TLE2: variants seen among roughly 807,000 people sequenced by gnomAD.
The protein encoded by TLE2 is transducin-like enhancer protein 2.
Under a neutral mutation model 97.2 loss-of-function variants are expected in TLE2, and 74 were observed. The observed-to-expected ratio is 0.76, with a 90% CI of 0.63 to 0.92. TLE2 has a LOEUF of 0.92. Ranked by LOEUF, TLE2 falls within the 40% of genes least tolerant of loss-of-function variation. The probability of loss-of-function intolerance (pLI) is 0.00; values close to 1 mark genes in which losing one functional copy is unlikely to be tolerated. For synonymous variants in TLE2, 499 were observed against 432.1 expected (o/e 1.15, Z -1.92); for missense variants, 1,038 against 1,008.7 (o/e 1.03, Z -0.39).
intron 19 of TLE2, among the ~76,000 whole-genome samples, chr19:3,000,365 G>A (rs540964593): frequency 7.9e-5 from 12 of 152,090 alleles, no homozygotes; most frequent in South Asian, 2.1e-4. Flanking sequence ...ATGAGCGACC[G>A]TGCCCGGCTG....
intron 7 of TLE2, among the ~76,000 whole-genome samples, chr19:3,018,944 C>T (rs374862874): frequency 6.6e-6 from 1 of 152,032 alleles, no homozygotes; most frequent in East Asian, 1.9e-4. Flanking sequence ...TTAAATTTTT[C>T]ATAGAGATGG....
chr19:3,023,652 G>A (rs1204536819), intron 5 of TLE2, among the ~76,000 whole-genome samples: 1 of 151,994 alleles, frequency 6.6e-6, no homozygotes, highest in African/African-American at 2.4e-5. Context: ...CCCAACACTC[G>A]GAGCCTGACA....
At chr19:3,020,258 CAA>C (rs2089810536) in intron 5 of TLE2, 1 of 159,608 alleles carries the variant, frequency 6.3e-6, no homozygotes, top group South Asian at 1.8e-4. Flanking sequence ...ATATATATTA[CAA>C]ATCACAGTCT....
At chr19:3,031,272 G>A (rs560628505), upstream of TLE2, among the ~76,000 whole-genome samples, 2 of 152,142 alleles carry the variant, frequency 1.3e-5, no homozygotes, top group East Asian at 3.9e-4. Flanking sequence ...TTGGAGATGA[G>A]ACCTGAACGA....
rs1227190382 is a variant in TLE2 at position 3,019,494 on chromosome 19, C to CG, written c.370-32dup. 1.5e-5 allele frequency: 23 copies of CG among 1,487,340 alleles called. No individual in the cohort carries two copies. In the East Asian group the frequency reaches 1.7e-4, roughly 11 times the overall value. 92.1% of individuals were successfully genotyped at this position (1,487,340 alleles called of 1,614,324 possible). A position where few individuals can be genotyped will look rare whatever the true frequency, so the allele number is the denominator to read the frequency against. On this transcript the variant is annotated intron_variant, in intron 6 of 19. Transcript: ENST00000262953. The surrounding 1 kb of genome is among the most constrained non-coding windows in gnomAD (Gnocchi z 5.1). ...AGAAAGGAGGCAGGATGGGCCGGGG[C>CG]GGGGGGCGGCAGGAGCCCAGCGGTC... is the stretch of plus-strand genomic sequence containing the variant.
intron 5 of TLE2, among the ~76,000 whole-genome samples, chr19:3,021,117 G>C (rs1391441637): frequency 1.6e-5 from 2 of 124,814 alleles, no homozygotes; most frequent in African/African-American, 2.9e-5. Flanking sequence ...AAAAAAAAGG[G>C]GGGGGGGTGC....
rs901477687 is a variant in TLE2, at chr19:3,014,671, C to G, written c.679-57G>C. 8.8e-5 allele frequency: 129 copies of G among 1,468,204 alleles called. 1 individual carries two copies. The East Asian group carries it at 3.4e-3, about 39-fold the overall frequency. 90.9% of individuals were successfully genotyped at this position (1,468,204 alleles called of 1,614,324 possible). The stretch of plus-strand genomic sequence containing the variant: ...GGTCATGCCCCTGCCTCCACACCCC[C>G]TATCCGCTCCTCAGGAGTTGGAGGC... On this transcript the variant is annotated intron_variant, in intron 9 of 19. Coordinates refer to ENST00000262953, the MANE Select transcript of TLE2 (RefSeq NM_003260.5).
At chr19:3,031,567 C>T (rs555922690), upstream of TLE2, among the ~76,000 whole-genome samples, 4 of 151,984 alleles carry the variant, frequency 2.6e-5, no homozygotes, top group East Asian at 3.9e-4. Context: ...TGGGCTCAAT[C>T]GATCCTCCCA....
Position 3,005,584 on chromosome 19 carries a change from C to T in TLE2, c.1749G>A (p.Arg583=), listed in dbSNP as rs1380462421. 3.1e-6 allele frequency: 5 copies of T among 1,612,950 alleles called. No homozygotes were observed. The African/African-American group carries it at 6.7e-5, about 22-fold the overall frequency. Residue 583 remains arginine, a splice_region_variant and synonymous_variant, in exon 17 of 20, where the codon AGG becomes AGA. Transcript: ENST00000262953. ...CGCCGTCCGTGTGGCCCTGGAACTG[C>T]CTGGAGGGAGAAGGGCCCAGGCGTC... ...VWDLQNQTMV[R]QFQGHTDGAS... is the part of the protein sequence containing the mutation.
intron 5 of TLE2, among the ~76,000 whole-genome samples, chr19:3,021,128 T>C (rs11084991): frequency 0.1 from 9,924 of 97,012 alleles, 1,464 homozygotes; most frequent in Middle Eastern, 0.12. Flanking sequence ...GGGGGGGTGC[T>C]GAGCGTGGTG....
In TLE2 at chr19:3,005,526, G is replaced by A; in HGVS notation, c.1807C>T (p.Arg603Trp). The change falls in exon 17 of 20, where the codon CGG becomes TGG. Residue 603 changes from arginine (R) to tryptophan (W), a missense_variant. By Grantham distance (101) the Arg-to-Trp change is moderately radical (BLOSUM62 -3). Transcript: ENST00000262953. The stretch of plus-strand genomic sequence containing the variant: ...TTGTCCAGGCCCCCTGTCCAGAGCC[G>A]AGTGCCGTAATCGGAAATATCAATG... ...SCIDISDYGT[R>W]LWTGGLDNTV... 1 of 1,613,670 alleles carries A rather than the reference G, an allele frequency of 6.2e-7. No individual in the cohort carries two copies. Among genetic ancestry groups the A allele is most frequent in the Middle Eastern group, 1.6e-4 (1 of 6,062 alleles).
intron 5 of TLE2, chr19:3,020,161 G>A (rs955648522): frequency 2.5e-5 from 5 of 202,502 alleles, no homozygotes; most frequent in African/African-American, 9.3e-5. Context: ...GCTTGAACCC[G>A]GGAGGTGGAG....
At chr19:3,016,297 C>T (rs1023920496) in intron 8 of TLE2, among the ~76,000 whole-genome samples, 5 of 148,756 alleles carry the variant, frequency 3.4e-5, no homozygotes, top group African/African-American at 7.4e-5. Context: ...CCATTTTGGC[C>T]GGGCGCAGTG....
chr19:3,038,365 C>A (rs969704209), intron 1 of TLE2, among the ~76,000 whole-genome samples: 1 of 152,090 alleles, frequency 6.6e-6, no homozygotes, highest in African/African-American at 2.4e-5. Context: ...TGTACCACCA[C>A]ACTCAGCTAA....
chr19:3,026,825 G>GAAC (rs934559700), intron 4 of TLE2, among the ~76,000 whole-genome samples: 4 of 151,550 alleles, frequency 2.6e-5, no homozygotes, highest in African/African-American at 9.7e-5. Flanking sequence ...GTCTATCTCT[G>GAAC]AACCCTGAGG....
intron 1 of TLE2, among the ~76,000 whole-genome samples, chr19:3,037,026 C>T (rs950050147): frequency 3.3e-5 from 5 of 152,104 alleles, no homozygotes; most frequent in African/African-American, 4.8e-5. Context: ...GGCTCACGCC[C>T]GTAATCCCAG....
upstream of TLE2, among the ~76,000 whole-genome samples, chr19:3,030,803 T>C (rs2090017465): frequency 6.6e-6 from 1 of 151,974 alleles, no homozygotes; most frequent in Non-Finnish European, 1.5e-5. Flanking sequence ...ACAAAAATAA[T>C]TAGCCAGGCA....
intron 9 of TLE2, 69 bp from the exon 10 acceptor site, chr19:3,014,683 C>T (rs369302095): frequency 7.0e-7 from 1 of 1,425,186 alleles, no homozygotes; most frequent in Non-Finnish European, 9.4e-7. Flanking sequence ...ATCCGCTCCT[C>T]AGGAGTTGGA....
Position 3,005,912 on chromosome 19 carries a change from G to A in TLE2, c.1557C>T (p.Ile519=), listed in dbSNP as rs776725070. 5 of 1,613,402 alleles carry A rather than the reference G, an allele frequency of 3.1e-6. No individual in the cohort carries two copies. The highest frequency in any genetic ancestry group is 4.5e-5 in the East Asian group (2 of 44,860). Residue 519 remains isoleucine (I), a synonymous_variant, in exon 16 of 20, where the codon ATC becomes ATT. Transcript: ENST00000262953. ...CKLLPDGRSL[I]VGGEASTLSI... ...ACAAGGTGCTGGCCTCACCGCCCAC[G>A]ATCAGACTCCGGCCATCCGGCAGCA...
Sources: gnomAD v4.1 joint callset for allele counts (sites outside exome capture counted in the v4.1 genomes callset) on GRCh38, gnomAD v4.1.1 for gene constraint, Gnocchi (gnomAD v3.1) non-coding constraint, MANE v1.5 for transcripts, NCBI Gene and HGNC (gene_info 2026-07-23, HGNC 2026-07-21) for gene names.